GRPR: variants seen among roughly 807,000 people sequenced by gnomAD.
GRPR encodes gastrin releasing peptide receptor.
A neutral mutation model predicts 15.6 loss-of-function variants in GRPR; 4 were observed. The ratio of observed to expected loss-of-function variants is 0.26; its 90% CI spans 0.13 to 0.59. The LOEUF is 0.59. Among genes scored for constraint, GRPR ranks in the 20% least tolerant of loss-of-function variants. The pLI is 0.90. For synonymous variants in GRPR, 128 were observed against 126.8 expected (o/e 1.01, Z -0.06); for missense variants, 270 against 304.1 (o/e 0.89, Z 0.83).
At chrX:16,145,356 G>C (rs1259800119) in intron 1 of GRPR, among the ~76,000 whole-genome samples, 1 of 112,007 alleles carries the variant, frequency 8.9e-6, no homozygotes, top group Non-Finnish European at 1.9e-5. Flanking sequence ...CAACAACATG[G>C]ATGGAACTGA....
In GRPR at chrX:16,124,834, C is replaced by G. The variant is rs143366299; in HGVS notation, c.413+468C>G. Among the ~76,000 whole-genome samples the G allele has an allele frequency of 3.4e-3, 382 of 112,336 alleles. 1 individual carries two copies. The highest frequency in any genetic ancestry group is 0.012 in the African/African-American group (367 of 30,990). On this transcript the variant is annotated intron_variant, in intron 1 of 2. Coordinates refer to ENST00000380289, the MANE Select transcript of GRPR (RefSeq NM_005314.3). ...AAATAACCAAGAGGAGAAAATAAGC[C>G]TCATTTCTCTGAAATTCATTTTCCT...
chrX:16,136,197 C>G (rs1390656290), intron 1 of GRPR, among the ~76,000 whole-genome samples: 1 of 111,511 alleles, frequency 9.0e-6, no homozygotes, highest in Non-Finnish European at 1.9e-5. Context: ...TCTTCTATGA[C>G]CTCTAAGTTT....
intron 1 of GRPR, among the ~76,000 whole-genome samples, chrX:16,140,769 C>T (rs1243681714): frequency 8.9e-6 from 1 of 111,988 alleles, no homozygotes; most frequent in Non-Finnish European, 1.9e-5. Flanking sequence ...TGCTTCCTGG[C>T]ATCTTCTTCC....
chrX:16,132,815 G>A (rs892629965), intron 1 of GRPR, among the ~76,000 whole-genome samples: 2 of 111,540 alleles, frequency 1.8e-5, no homozygotes, highest in Non-Finnish European at 3.8e-5. Flanking sequence ...GTTTTCTTCT[G>A]CGTTGAGTAA....
At chrX:16,151,209 G>A (rs1001023136) in intron 2 of GRPR, among the ~76,000 whole-genome samples, 1 of 112,282 alleles carries the variant, frequency 8.9e-6, no homozygotes, top group African/African-American at 3.2e-5. Flanking sequence ...ATTGGAAGAA[G>A]ATTACAAGAG....
chrX:16,126,959 G>A (rs975232547), intron 1 of GRPR, among the ~76,000 whole-genome samples: 1 of 111,634 alleles, frequency 9.0e-6, no homozygotes, highest in Non-Finnish European at 1.9e-5. Flanking sequence ...ATATGTCTGC[G>A]AGTGAAATTG....
intron 2 of GRPR, among the ~76,000 whole-genome samples, chrX:16,151,907 T>C (rs1369950695): frequency 8.9e-6 from 1 of 111,777 alleles, no homozygotes; most frequent in East Asian, 2.8e-4. Flanking sequence ...TATTAGAAGT[T>C]CATGTTGCAG....
intron 1 of GRPR, among the ~76,000 whole-genome samples, chrX:16,149,645 C>CAAA (rs575381418): frequency 3.3e-5 from 2 of 61,251 alleles, no homozygotes; most frequent in African/African-American, 1.3e-4. Flanking sequence ...AAGGTTTTGC[C>CAAA]AAAAAAAAAA....
intron 1 of GRPR, among the ~76,000 whole-genome samples, chrX:16,127,773 C>T (rs1199611358): frequency 9.0e-6 from 1 of 111,519 alleles, no homozygotes; most frequent in African/African-American, 3.3e-5. Context: ...GTCTATGGTC[C>T]CTTCAAGTTC....
chrX:16,149,450 T>A (rs1442615076), intron 1 of GRPR, among the ~76,000 whole-genome samples: 1 of 110,837 alleles, frequency 9.0e-6, no homozygotes, highest in African/African-American at 3.3e-5. Context: ...CCTAAATACT[T>A]CAAGAGAAGA....
At chrX:16,148,813 TC>T (rs1922645724) in intron 1 of GRPR, among the ~76,000 whole-genome samples, 1 of 111,644 alleles carries the variant, frequency 9.0e-6, no homozygotes, top group Non-Finnish European at 1.9e-5. Flanking sequence ...CCTTGTCTTG[TC>T]ACTCACTGTG....
chrX:16,138,892 C>G (rs1315679305), intron 1 of GRPR, among the ~76,000 whole-genome samples: 1 of 112,023 alleles, frequency 8.9e-6, no homozygotes, highest in African/African-American at 3.2e-5. Context: ...AGCAACAAGT[C>G]CCCTTATTTT....
Position 16,152,759 on chromosome X carries a change from T to G in GRPR, c.*114T>G. 3.2e-6 allele frequency: 2 copies of G among 616,794 alleles called. No individual in the cohort carries two copies. Among genetic ancestry groups the G allele is most frequent in the Non-Finnish European group, 5.4e-6 (2 of 367,866 alleles). The allele number at this position is 616,794 out of a possible 1,213,427, so 50.8% of individuals were successfully genotyped here. ...AAAGAGCCTTCAGAATGCTCCTGAGTGGTGTAGGTGGGGGTGGGGAGGCCC... is the reference window on the plus strand; with the variant it reads ...AAAGAGCCTTCAGAATGCTCCTGAGGGGTGTAGGTGGGGGTGGGGAGGCCC... On this transcript the variant is annotated 3_prime_UTR_variant, in exon 3 of 3. Transcript: ENST00000380289.
chrX:16,135,964 T>C (rs1922442048), intron 1 of GRPR, among the ~76,000 whole-genome samples: 1 of 112,444 alleles, frequency 8.9e-6, no homozygotes, highest in Admixed American at 9.4e-5. Context: ...GTTAAAATGA[T>C]GATTTAAGGA....
At chrX:16,127,845 C>T (rs907372056) in intron 1 of GRPR, among the ~76,000 whole-genome samples, 1 of 111,700 alleles carries the variant, frequency 9.0e-6, no homozygotes, top group Non-Finnish European at 1.9e-5. Flanking sequence ...ATTCAAATCT[C>T]CTCCTTAAAG....
At position 16,152,309 on chromosome X, in the gene GRPR, C is replaced by T. The variant is rs764794635; in HGVS notation, c.819C>T (p.Phe273=). 1.7e-5 allele frequency: 20 copies of T among 1,206,186 alleles called. No homozygotes were observed. The highest frequency in any genetic ancestry group is 1.9e-5 in the Non-Finnish European group (17 of 890,520). ...CAGTGCTGGTGTTTGTGGGCCTGTTCGCCTTCTGCTGGCTCCCCAATCATG... is the reference window on the plus strand; with the variant it reads ...CAGTGCTGGTGTTTGTGGGCCTGTTTGCCTTCTGCTGGCTCCCCAATCATG... The part of the protein sequence containing the change: ...AKTVLVFVGL[F]AFCWLPNHVI... Residue 273 remains phenylalanine, a synonymous_variant, in exon 3 of 3, where the codon TTC becomes TTT. Transcript: ENST00000380289.
intron 2 of GRPR, among the ~76,000 whole-genome samples, chrX:16,150,974 G>A (rs1922689872): frequency 8.9e-6 from 1 of 112,177 alleles, no homozygotes; most frequent in South Asian, 3.7e-4. Flanking sequence ...ATGGGGATGT[G>A]ACTTCTTTAA....
rs1396394042 is a variant in GRPR at position 16,150,373 on chromosome X, C to G, written c.482C>G (p.Ala161Gly). ...SHALMKICLKAAFIWIISMLL... is the reference protein window; with the variant it reads ...SHALMKICLKGAFIWIISMLL... ...GCCCTGATGAAGATCTGCCTCAAAG[C>G]CGCCTTTATCTGGATCATCTCCATG... The change falls in exon 2 of 3, where the codon GCC becomes GGC. Residue 161 changes from alanine to glycine, a missense_variant. Coordinates refer to ENST00000380289, the MANE Select transcript of GRPR (RefSeq NM_005314.3). 3.3e-6 allele frequency: 4 copies of G among 1,206,718 alleles called. No homozygotes were observed. The highest frequency in any genetic ancestry group is 4.5e-6 in the Non-Finnish European group (4 of 892,637).
chrX:16,148,757 C>T (rs1271552671), intron 1 of GRPR, among the ~76,000 whole-genome samples: 1 of 111,492 alleles, frequency 9.0e-6, no homozygotes, highest in Non-Finnish European at 1.9e-5. Flanking sequence ...ACCAAAGGCT[C>T]ATCCTCTGGT....
Sources: allele counts gnomAD v4.1 joint callset (sites outside exome capture counted in the v4.1 genomes callset), GRCh38; gene constraint gnomAD v4.1.1; transcripts MANE v1.5; gene names NCBI Gene and HGNC (gene_info 2026-07-23, HGNC 2026-07-21).